Variants in UBA2 observed in about 807,000 individuals in gnomAD.
UBA2 encodes the protein SUMO-activating enzyme subunit 2.
Under a neutral mutation model 77.2 loss-of-function variants are expected in UBA2, and 11 were observed. That is an observed-to-expected ratio of 0.14 (90% confidence interval 0.09 to 0.24). UBA2 has a LOEUF of 0.24. Among genes scored for constraint, UBA2 ranks in the 10% least tolerant of loss-of-function variants. UBA2 has a pLI of 1.00. For missense variants in UBA2, 487 were observed against 781.7 expected, an observed-to-expected ratio of 0.62 and a Z score of 4.50; for synonymous variants, 278 against 276.7, an observed-to-expected ratio of 1.00 and a Z score of -0.05.
intron 8 of UBA2, among the ~76,000 whole-genome samples, chr19:34,448,156 CA>C (rs1466116076): frequency 1.3e-5 from 2 of 152,132 alleles, no homozygotes; most frequent in Non-Finnish European, 2.9e-5. Context: ...ATCTGATATT[CA>C]TATTATAACC....
intron 16 of UBA2, 166 bp downstream of exon 16, chr19:34,467,180 A>G: frequency 1.2e-6 from 1 of 857,400 alleles, no homozygotes; most frequent in Non-Finnish European, 1.7e-6. Context: ...CCATGAAGAC[A>G]TTTAAGGCTG....
At chr19:34,464,207 T>G in intron 15 of UBA2, 76 bp downstream of exon 15, 1 of 1,001,586 alleles carries the variant, frequency 1.0e-6, no homozygotes, top group Non-Finnish European at 1.5e-6. Context: ...GGAAAAGTGT[T>G]TTCTTATCCT....
chr19:34,436,730 A>G (rs2075313002), intron 5 of UBA2, among the ~76,000 whole-genome samples: 1 of 56,184 alleles, frequency 1.8e-5, no homozygotes, highest in Admixed American at 2.6e-4. Context: ...AACTATAGAA[A>G]GAGAATTATA....
intron 13 of UBA2, 67 bp downstream of exon 13, chr19:34,458,991 C>T: frequency 6.9e-7 from 1 of 1,447,862 alleles, no homozygotes; most frequent in Non-Finnish European, 9.2e-7. Flanking sequence ...CAAACAAACA[C>T]TAGCTGCTGA....
intron 1 of UBA2, 148 bp downstream of exon 1, chr19:34,428,718 G>T: frequency 8.6e-7 from 1 of 1,164,290 alleles, no homozygotes; most frequent in African/African-American, 1.6e-5. Flanking sequence ...GGCTCGGGTT[G>T]TGCCCCCCCC....
At chr19:34,458,280 G>T in intron 12 of UBA2, among the ~76,000 whole-genome samples, 1 of 152,126 alleles carries the variant, frequency 6.6e-6, no homozygotes, top group Non-Finnish European at 1.5e-5. Context: ...TTGAGGCCGG[G>T]CGCGGTGGCT....
At chr19:34,457,481 G>A (rs552881127) in intron 12 of UBA2, among the ~76,000 whole-genome samples, 1 of 152,066 alleles carries the variant, frequency 6.6e-6, no homozygotes, top group South Asian at 2.1e-4. Flanking sequence ...TTTTATTATT[G>A]TCAGTTTCCC....
chr19:34,450,295 A>G lies in UBA2; in HGVS notation c.802A>G (p.Thr268Ala). Reference protein sequence around the residue: ...LFKDDIRYLLTMDKLWRKRKP... With the variant: ...LFKDDIRYLLAMDKLWRKRKP... ...TAAAGATGACATCAGGTATCTGTTG[A>G]CAATGGACAAACTATGGCGGAAAAG... Residue 268 changes from threonine (T) to alanine (A), a missense_variant, in exon 9 of 17, where the codon ACA (threonine) becomes GCA (alanine). By Grantham distance (58) the Thr-to-Ala change is moderately conservative. Around this residue, in one of 9 missense-constraint regions of UBA2, gnomAD observed 300 missense variants for 454.3 expected, o/e 0.66. Transcript: ENST00000246548. 6.2e-7 allele frequency: 1 copy of G among 1,611,634 alleles called. No homozygotes were observed. Among genetic ancestry groups the G allele is most frequent in the East Asian group, 2.2e-5 (1 of 44,834 alleles).
intron 16 of UBA2, 119 bp from the exon 17 acceptor site, chr19:34,468,921 G>C: frequency 1.4e-6 from 1 of 712,940 alleles, no homozygotes; most frequent in South Asian, 3.0e-5. Context: ...TGAAAATGCA[G>C]CCATTCTTAA....
chr19:34,462,141 A>G (rs1020089930), intron 14 of UBA2, among the ~76,000 whole-genome samples: 1 of 151,956 alleles, frequency 6.6e-6, no homozygotes. Context: ...CTTGACCCCT[A>G]CCCTCCAGAG....
intron 12 of UBA2, among the ~76,000 whole-genome samples, chr19:34,457,157 G>T (rs2075572329): frequency 1.6e-5 from 1 of 61,210 alleles, no homozygotes; most frequent in African/African-American, 6.3e-5. Flanking sequence ...GGAGAAACCT[G>T]GTCTCTACTA....
At chr19:34,448,662 GATA>G (rs1160102560) in intron 8 of UBA2, among the ~76,000 whole-genome samples, 1 of 152,122 alleles carries the variant, frequency 6.6e-6, no homozygotes, top group Non-Finnish European at 1.5e-5. Flanking sequence ...AGGAGAAGGT[GATA>G]ATAATCAATT....
At chr19:34,465,185 AT>A (rs2075674496) in intron 15 of UBA2, among the ~76,000 whole-genome samples, 1 of 152,090 alleles carries the variant, frequency 6.6e-6, no homozygotes, top group Non-Finnish European at 1.5e-5. Context: ...CTGACTTGAG[AT>A]TTATGGGTAG....
At chr19:34,456,093 T>TC (rs1238233808) in intron 12 of UBA2, among the ~76,000 whole-genome samples, 6 of 103,940 alleles carry the variant, frequency 5.8e-5, no homozygotes, top group African/African-American at 1.9e-4. Context: ...GCTCTTTTTT[T>TC]CCTTTTCTTT....
At chr19:34,464,232 C>A in intron 15 of UBA2, 101 bp downstream of exon 15, 1 of 775,944 alleles carries the variant, frequency 1.3e-6, no homozygotes, top group Non-Finnish European at 2.1e-6. Context: ...CCCTGCTGTT[C>A]ATTTGAAACT....
At chr19:34,436,317 G>C (rs938121343) in intron 5 of UBA2, among the ~76,000 whole-genome samples, 1 of 151,584 alleles carries the variant, frequency 6.6e-6, no homozygotes, top group African/African-American at 2.4e-5. Context: ...TTATTTTTTT[G>C]AGACAGAATT....
chr19:34,432,935 C>T (rs1199457251), intron 3 of UBA2, among the ~76,000 whole-genome samples: 1 of 152,156 alleles, frequency 6.6e-6, no homozygotes, highest in Non-Finnish European at 1.5e-5. Context: ...GTGTTGCTTT[C>T]CCAGTGCTGC....
intron 15 of UBA2, 82 bp downstream of exon 15, chr19:34,464,213 A>T: frequency 1.1e-6 from 1 of 939,474 alleles, no homozygotes; most frequent in African/African-American, 1.7e-5. Flanking sequence ...GTGTTTTCTT[A>T]TCCTTAAACC....
At position 34,428,432 on chromosome 19, in the gene UBA2, C is replaced by A; in HGVS notation, c.-1C>A. 2 of 1,266,286 alleles carry A rather than the reference C, an allele frequency of 1.6e-6. No individual in the cohort carries two copies. The highest frequency in any genetic ancestry group is 3.0e-5 in the East Asian group (1 of 33,834). 78.4% of individuals were successfully genotyped at this position (1,266,286 alleles called of 1,614,324 possible). A position where few individuals can be genotyped will look rare whatever the true frequency, so the allele number is the denominator to read the frequency against. The stretch of plus-strand genomic sequence containing the variant: ...CCGCCGCGGCTCGTGGTTGTCCCGC[C>A]ATGGCACTGTCGCGGGGGCTGCCCC... On this transcript the variant is annotated 5_prime_UTR_variant, in exon 1 of 17. Coordinates refer to ENST00000246548, the MANE Select transcript of UBA2 (RefSeq NM_005499.3).
Sources: gnomAD v4.1 joint callset for allele counts (sites outside exome capture counted in the v4.1 genomes callset) on GRCh38, gnomAD v4.1.1 for gene constraint, gnomAD v4.1.1 regional missense constraint, MANE v1.5 for transcripts, NCBI Gene and HGNC (gene_info 2026-07-23, HGNC 2026-07-21) for gene names.